USP9Y: variants seen among roughly 807,000 people sequenced by gnomAD.
USP9Y encodes the protein ubiquitin carboxyl-terminal hydrolase 9Y.
A neutral mutation model predicts 53.1 loss-of-function variants in USP9Y; 41 were observed. That is an observed-to-expected ratio of 0.77 (90% CI 0.60 to 1.00). The LOEUF (loss-of-function observed/expected upper bound fraction) is 1.00. Ranked by LOEUF, USP9Y falls within the 50% of genes least tolerant of loss-of-function variation. The pLI is 0.00. For synonymous variants in USP9Y, 220 were observed against 173.7 expected (o/e 1.27, Z -2.09); for missense variants, 567 against 535.8 (o/e 1.06, Z -0.58).
intron 16 of USP9Y, among the ~76,000 whole-genome samples, chrY:12,772,560 T>A (rs2053486738): frequency 3.4e-5 from 1 of 29,083 alleles, no homozygotes; most frequent in Non-Finnish European, 8.2e-5. Context: ...AGGTCAGGAG[T>A]TCAAGATCAG....
At position 12,736,453 on chromosome Y, in the gene USP9Y, G is replaced by C. The variant is rs1327064791; in HGVS notation, c.1068G>C (p.Leu356=). Residue 356 remains leucine, a synonymous_variant, in exon 10 of 46, where the codon CTG becomes CTC. Coordinates refer to ENST00000338981, the MANE Select transcript of USP9Y (RefSeq NM_004654.4). Reference sequence around the variant, plus strand: ...CTTTTAATGGAAAGATGAATGCACTGAATGAAATAAATAAGGTTATATCTA... The same window carrying C: ...CTTTTAATGGAAAGATGAATGCACTCAATGAAATAAATAAGGTTATATCTA... ...ISSFNGKMNA[L]NEINKVISSV... is the part of the protein sequence containing the mutation. 4 of 390,705 alleles carry C rather than the reference G, an allele frequency of 1.0e-5. No individual in the cohort carries two copies. The highest frequency in any genetic ancestry group is 1.4e-5 in the Non-Finnish European group (4 of 278,657).
Position 12,779,512 on chromosome Y carries a change from A to G in USP9Y, c.3031-14A>G. The G allele has an allele frequency of 2.5e-6, 1 of 396,723 alleles. No homozygotes were observed. Among genetic ancestry groups the G allele is most frequent in the Non-Finnish European group, 3.5e-6 (1 of 282,083 alleles). On this transcript the variant is annotated splice_polypyrimidine_tract_variant and intron_variant, in intron 21 of 45. Coordinates refer to ENST00000338981, the MANE Select transcript of USP9Y (RefSeq NM_004654.4). Reference sequence around the variant, plus strand: ...CAATTTGCAGGTAAATATTTTGTATATTCTGTATTCTAGATAATGTCAGTG... The same window carrying G: ...CAATTTGCAGGTAAATATTTTGTATGTTCTGTATTCTAGATAATGTCAGTG...
Position 12,741,864 on chromosome Y carries a change from T to G in USP9Y, c.1422+2235T>G. 1.2e-4 allele frequency among the ~76,000 whole-genome samples: 4 copies of G among 33,976 alleles called. No individual in the cohort carries two copies. In the South Asian group the frequency reaches 2.6e-3, roughly 22 times the overall value. 91.2% of individuals were successfully genotyped at this position (33,976 alleles called of 37,273 possible). The stretch of plus-strand genomic sequence containing the variant: ...ATTCCTCACTGTCTAGTTTTCTATC[T>G]TTTAATCACTCCTCTTTGATTCTGT... On this transcript the variant is annotated intron_variant, in intron 12 of 45. Coordinates refer to ENST00000338981, the MANE Select transcript of USP9Y (RefSeq NM_004654.4).
chrY:12,833,901 T>G, intron 34 of USP9Y, 40 bp downstream of exon 34: 1 of 309,151 alleles, frequency 3.2e-6, no homozygotes, highest in Non-Finnish European at 4.6e-6. Flanking sequence ...CTTCGTGTTG[T>G]TTTTTTTTTA....
Position 12,860,658 on chromosome Y carries a change from G to A in USP9Y, c.*1242G>A. On this transcript the variant is annotated 3_prime_UTR_variant, in exon 46 of 46. Coordinates refer to ENST00000338981, the MANE Select transcript of USP9Y (RefSeq NM_004654.4). ...TTTGTTTTAAGATTCCAAGAAACCT[G>A]TGAGTTAATACTATATTTAAAAGAG... The A allele has an allele frequency of 3.0e-5, 1 of 33,454 alleles. No homozygotes were observed. Among genetic ancestry groups the A allele is most frequent in the Non-Finnish European group, 7.4e-5 (1 of 13,488 alleles). The allele number at this position is 33,454 out of a possible 400,897, so 8.3% of individuals were successfully genotyped here.
At chrY:12,805,526 A>G (rs2053523575) in intron 27 of USP9Y, among the ~76,000 whole-genome samples, 2 of 32,964 alleles carry the variant, frequency 6.1e-5, no homozygotes, top group African/African-American at 2.4e-4. Flanking sequence ...CAATCAGTGC[A>G]CAAGTCCTCC....
chrY:12,794,930 T>C, intron 27 of USP9Y, among the ~76,000 whole-genome samples: 1 of 33,836 alleles, frequency 3.0e-5, no homozygotes, highest in South Asian at 6.4e-4. Context: ...GGTTTTTATT[T>C]GTTTTTGAGG....
chrY:12,775,160 C>CT (rs779949497), intron 17 of USP9Y, among the ~76,000 whole-genome samples: 90 of 28,476 alleles, frequency 3.2e-3, no homozygotes, highest in African/African-American at 0.011. Flanking sequence ...TTTCTCGCAC[C>CT]TTTTTTTTTT....
chrY:12,811,853 C>T, intron 30 of USP9Y, 72 bp downstream of exon 30: 2 of 262,645 alleles, frequency 7.6e-6, no homozygotes, highest in Non-Finnish European at 1.2e-5. Flanking sequence ...GCAGTGGTGC[C>T]GTCTCAGCTC....
At chrY:12,759,756 G>A (rs2053473262) in intron 14 of USP9Y, among the ~76,000 whole-genome samples, 1 of 32,635 alleles carries the variant, frequency 3.1e-5, no homozygotes, top group African/African-American at 1.2e-4. Context: ...ATCAGATGAC[G>A]ATTAATCAAG....
chrY:12,743,533 G>C lies in USP9Y; in HGVS notation c.1422+3904G>C. Among the ~76,000 whole-genome samples the C allele has an allele frequency of 1.2e-4, 4 of 33,552 alleles. No homozygotes were observed. In the South Asian group the frequency reaches 2.7e-3, roughly 22 times the overall value. The allele number at this position is 33,552 out of a possible 37,273, so 90.0% of individuals were successfully genotyped here. On this transcript the variant is annotated intron_variant, in intron 12 of 45. Transcript: ENST00000338981. ...CTGCCTCAGCCTCCCAAAGTGCTGG[G>C]ATTACAGGTGTGAGCCACCATGCCT...
chrY:12,775,336 A>T, intron 17 of USP9Y, 135 bp from the exon 18 acceptor site: 2 of 129,246 alleles, frequency 1.5e-5, no homozygotes, highest in Non-Finnish European at 2.8e-5. Flanking sequence ...CCCTTATTGT[A>T]TATTAAGTAT....
intron 1 of USP9Y, 45 bp from the exon 2 acceptor site, chrY:12,708,589 C>T (rs2053421781): frequency 3.0e-5 from 1 of 33,762 alleles, no homozygotes; most frequent in African/African-American, 1.2e-4. Context: ...TGTGCATTGT[C>T]TTGAATTCTT....
intron 33 of USP9Y, among the ~76,000 whole-genome samples, chrY:12,825,085 C>T: frequency 3.1e-5 from 1 of 31,844 alleles, no homozygotes; most frequent in African/African-American, 1.2e-4. Flanking sequence ...CATCACCATG[C>T]CCAGCTAATT....
chrY:12,757,506 A>G (rs2053470046), intron 13 of USP9Y, 108 bp downstream of exon 13: 2 of 229,826 alleles, frequency 8.7e-6, no homozygotes, highest in Non-Finnish European at 1.4e-5. Context: ...TTTATTTTTG[A>G]GACAGAGTCT....
intron 33 of USP9Y, among the ~76,000 whole-genome samples, chrY:12,829,592 C>T (rs765193902): frequency 2.1e-4 from 7 of 33,515 alleles, no homozygotes; most frequent in African/African-American, 8.1e-4. Context: ...AATGTTGATA[C>T]GTGTGACTTC....
intron 3 of USP9Y, among the ~76,000 whole-genome samples, chrY:12,716,743 A>G (rs2053431070): frequency 3.0e-5 from 1 of 32,973 alleles, no homozygotes; most frequent in African/African-American, 1.2e-4. Context: ...AGCTGGGACT[A>G]CAGATGCATG....
At chrY:12,708,239 A>G (rs2053421169) in intron 1 of USP9Y, among the ~76,000 whole-genome samples, 1 of 33,582 alleles carries the variant, frequency 3.0e-5, no homozygotes, top group African/African-American at 1.2e-4. Context: ...CCACTGGACT[A>G]ATGAATATGG....
intron 27 of USP9Y, among the ~76,000 whole-genome samples, chrY:12,800,110 G>T: frequency 3.0e-5 from 1 of 33,446 alleles, no homozygotes; most frequent in Non-Finnish European, 7.4e-5. Context: ...GCCCATTGCC[G>T]CTCCCGATCA....
Sources: gnomAD v4.1 joint callset for allele counts (sites outside exome capture counted in the v4.1 genomes callset) on GRCh38, gnomAD v4.1.1 for gene constraint, MANE v1.5 for transcripts, NCBI Gene and HGNC (gene_info 2026-07-23, HGNC 2026-07-21) for gene names.